The following TSPAN9 variants were observed in gnomAD, a reference collection of about 807,000 sequenced individuals.
TSPAN9 encodes the protein tetraspanin 9, also known as tetraspanin-9.
A neutral mutation model predicts 31.0 loss-of-function variants in TSPAN9; 16 were observed. The ratio of observed to expected loss-of-function variants is 0.52; its 90% CI spans 0.35 to 0.78. The LOEUF (loss-of-function observed/expected upper bound fraction) is 0.78, where lower values mean the gene tolerates loss of function less well. Among genes scored for constraint, TSPAN9 ranks in the 30% least tolerant of loss-of-function variants. TSPAN9 has a pLI of 0.01. For missense variants in TSPAN9, 272 were observed against 312.5 expected, an observed-to-expected ratio of 0.87 and a Z score of 0.98; for synonymous variants, 145 against 121.6, an observed-to-expected ratio of 1.19 and a Z score of -1.27.
At chr12:3,130,639 TTC>T (rs948327309) in intron 2 of TSPAN9, among the ~76,000 whole-genome samples, 1 of 152,136 alleles carries the variant, frequency 6.6e-6, no homozygotes, top group Non-Finnish European at 1.5e-5. Context: ...CTGAACCTCT[TTC>T]GGCTTCTGCT....
At chr12:3,211,560 A>T in intron 3 of TSPAN9, 1 of 956,252 alleles carries the variant, frequency 1.0e-6, no homozygotes, top group Non-Finnish European at 1.5e-6. Flanking sequence ...CCTTTCATTG[A>T]ATTCATTCAT....
intron 3 of TSPAN9, among the ~76,000 whole-genome samples, chr12:3,261,590 G>A (rs561506134): frequency 5.1e-4 from 77 of 152,214 alleles, no homozygotes; most frequent in Admixed American, 1.3e-4. Flanking sequence ...CAGACACTTT[G>A]CCTCCGAAGA....
intron 3 of TSPAN9, among the ~76,000 whole-genome samples, chr12:3,202,576 A>T (rs983002203): frequency 6.6e-6 from 1 of 152,108 alleles, no homozygotes; most frequent in African/African-American, 2.4e-5. Context: ...CTTCCTTTCC[A>T]GTCCAATAGG....
chr12:3,247,697 C>G (rs972248217), intron 3 of TSPAN9, among the ~76,000 whole-genome samples: 2 of 152,206 alleles, frequency 1.3e-5, no homozygotes, highest in African/African-American at 4.8e-5. Context: ...CGGTTCAAAT[C>G]TCGGTCAGCC....
intron 2 of TSPAN9, among the ~76,000 whole-genome samples, chr12:3,154,498 T>C (rs2098341299): frequency 1.3e-5 from 2 of 152,230 alleles, no homozygotes; most frequent in African/African-American, 4.8e-5. Context: ...CATTCAATTA[T>C]ATTCAATCAA....
chr12:3,112,892 G>C (rs1231865612), intron 2 of TSPAN9, among the ~76,000 whole-genome samples: 1 of 151,866 alleles, frequency 6.6e-6, no homozygotes, highest in African/African-American at 2.4e-5. Flanking sequence ...TGTTGCCCAG[G>C]TTGGTCTCGA....
chr12:3,082,521 C>T (rs2098298430), intron 1 of TSPAN9, among the ~76,000 whole-genome samples: 1 of 152,102 alleles, frequency 6.6e-6, no homozygotes, highest in Non-Finnish European at 1.5e-5. Context: ...CTTGGGAGGC[C>T]CTGGGAAGTT....
At chr12:3,270,216 C>T (rs1442898859) in intron 3 of TSPAN9, among the ~76,000 whole-genome samples, 1 of 152,158 alleles carries the variant, frequency 6.6e-6, no homozygotes, top group African/African-American at 2.4e-5. Context: ...ATGCTGGCAC[C>T]CAAGAAAGTG....
At chr12:3,160,821 A>G (rs1940426371) in intron 2 of TSPAN9, among the ~76,000 whole-genome samples, 2 of 152,206 alleles carry the variant, frequency 1.3e-5, no homozygotes, top group Non-Finnish European at 2.9e-5. Context: ...AGAATTCTTT[A>G]CATATTCTGG....
chr12:3,188,724 C>T (rs2098362802), intron 2 of TSPAN9, among the ~76,000 whole-genome samples: 2 of 152,164 alleles, frequency 1.3e-5, no homozygotes, highest in South Asian at 4.1e-4. Flanking sequence ...CCAGGCTGGA[C>T]ATCTGAGCCC....
intron 3 of TSPAN9, among the ~76,000 whole-genome samples, chr12:3,241,853 C>A (rs76263864): frequency 0.19 from 29,583 of 152,108 alleles, 3,004 homozygotes; most frequent in South Asian, 0.28. Flanking sequence ...GTGTCCTGGC[C>A]GAAGATCAGT....
intron 2 of TSPAN9, among the ~76,000 whole-genome samples, chr12:3,164,753 C>A (rs969023712): frequency 2.0e-5 from 3 of 152,168 alleles, no homozygotes; most frequent in African/African-American, 7.2e-5. Flanking sequence ...GCCTGCTGAG[C>A]CTTCTCGGTA....
At chr12:3,228,467 A>G (rs1020496842) in intron 3 of TSPAN9, among the ~76,000 whole-genome samples, 1 of 152,240 alleles carries the variant, frequency 6.6e-6, no homozygotes, top group Non-Finnish European at 1.5e-5. Context: ...CAGTCACACA[A>G]GCACTAGGGG....
chr12:3,182,922 C>G (rs1591664416), intron 2 of TSPAN9, among the ~76,000 whole-genome samples: 1 of 152,212 alleles, frequency 6.6e-6, no homozygotes, highest in East Asian at 1.9e-4. Flanking sequence ...GTGGCGGAGA[C>G]AGGGTCAGGG....
chr12:3,281,891 T>G, intron 8 of TSPAN9, 74 bp downstream of exon 8: 2 of 1,517,358 alleles, frequency 1.3e-6, no homozygotes, highest in Non-Finnish European at 1.8e-6. Flanking sequence ...CACAGAGAAG[T>G]GAAAGCAGTG....
At chr12:3,134,871 A>G (rs2098331373) in intron 2 of TSPAN9, among the ~76,000 whole-genome samples, 1 of 152,108 alleles carries the variant, frequency 6.6e-6, no homozygotes, top group South Asian at 2.1e-4. Context: ...TGGAAGAGGC[A>G]GTGACGTTTG....
intron 3 of TSPAN9, among the ~76,000 whole-genome samples, chr12:3,225,162 AG>A (rs1173999984): frequency 3.3e-5 from 5 of 152,190 alleles, no homozygotes; most frequent in African/African-American, 1.2e-4. Context: ...GGAAGCCGTA[AG>A]GGCACCCAGG....
At chr12:3,195,026 A>C (rs2098366410) in intron 2 of TSPAN9, among the ~76,000 whole-genome samples, 2 of 152,204 alleles carry the variant, frequency 1.3e-5, no homozygotes, top group South Asian at 4.1e-4. Flanking sequence ...TCCCTTCTAA[A>C]ATGGTGCCCG....
intron 2 of TSPAN9, among the ~76,000 whole-genome samples, chr12:3,182,830 TG>T (rs1338090456): frequency 6.6e-6 from 1 of 151,858 alleles, no homozygotes; most frequent in Non-Finnish European, 1.5e-5. Flanking sequence ...AGCCTAGAAT[TG>T]GGGCAGGCAG....
Sources: allele counts gnomAD v4.1 joint callset (sites outside exome capture counted in the v4.1 genomes callset), GRCh38; gene constraint gnomAD v4.1.1; transcripts MANE v1.5; gene names NCBI Gene and HGNC (gene_info 2026-07-23, HGNC 2026-07-21).